Variants in AKAP6 observed in about 807,000 individuals in gnomAD.
The protein encoded by AKAP6 is A-kinase anchoring protein 6, also known as A-kinase anchor protein 6.
AKAP6 carries 58 observed loss-of-function variants against 188.5 expected under a neutral mutation model. The observed-to-expected ratio is 0.31, with a 90% confidence interval of 0.25 to 0.38. AKAP6 has a LOEUF of 0.38. AKAP6 is among the 10% of genes least tolerant of loss of function. The pLI is 1.00. For missense variants in AKAP6, 2,710 were observed against 2,740.0 expected (o/e 0.99, Z 0.24); for synonymous variants, 989 against 998.6 (o/e 0.99, Z 0.18).
intron 1 of AKAP6, among the ~76,000 whole-genome samples, chr14:32,411,857 T>C (rs1031029498): frequency 6.6e-6 from 1 of 151,614 alleles, no homozygotes; most frequent in Non-Finnish European, 1.5e-5. Context: ...CAGAGGCTAA[T>C]GAGAACATTT....
intron 1 of AKAP6, among the ~76,000 whole-genome samples, chr14:32,430,441 C>T (rs532122121): frequency 4.0e-4 from 61 of 152,174 alleles, no homozygotes; most frequent in African/African-American, 1.4e-3. Context: ...TTTTAGTTTA[C>T]GGTAGGATGT....
chr14:32,674,346 A>G (rs1889340691), intron 7 of AKAP6, among the ~76,000 whole-genome samples: 1 of 152,130 alleles, frequency 6.6e-6, no homozygotes, highest in Non-Finnish European at 1.5e-5. Context: ...CCACTATAAG[A>G]GAAGAGATTA....
chr14:32,510,355 C>CATAT lies in AKAP6; in HGVS notation c.325-25192_325-25189dup, dbSNP rs142164943. Among the ~76,000 whole-genome samples, 9 of 134,414 alleles carry CATAT rather than the reference C, an allele frequency of 6.7e-5. No individual in the cohort carries two copies. The South Asian group carries it at 6.8e-4, about 10-fold the overall frequency. The allele number at this position is 134,414 out of a possible 152,430, so 88.2% of individuals were successfully genotyped here. On this transcript the variant is annotated intron_variant, in intron 2 of 13. Transcript: ENST00000280979. ...AATTATATAAGTAAACATATGGATA[C>CATAT]ATATATATATGTGTATATATATGTG...
At chr14:32,691,798 A>G (rs965872449) in intron 8 of AKAP6, among the ~76,000 whole-genome samples, 2 of 152,040 alleles carry the variant, frequency 1.3e-5, no homozygotes, top group Admixed American at 6.5e-5. Flanking sequence ...ACCTCAGGTG[A>G]TCTATCTGCC....
chr14:32,817,451 CTG>C (rs5807685), intron 12 of AKAP6, among the ~76,000 whole-genome samples: 54 of 144,680 alleles, frequency 3.7e-4, no homozygotes, highest in African/African-American at 1.3e-3. Flanking sequence ...ATCTGTATAG[CTG>C]TGTGTGTGTG....
chr14:32,543,127 A>C (rs186860089), intron 3 of AKAP6, among the ~76,000 whole-genome samples: 8 of 152,308 alleles, frequency 5.3e-5, no homozygotes, highest in Admixed American at 3.3e-4. Context: ...TGACCCTGCT[A>C]TAGAAACCAG....
chr14:32,617,298 A>G (rs1285151663), intron 7 of AKAP6, among the ~76,000 whole-genome samples: 1 of 150,508 alleles, frequency 6.6e-6, no homozygotes, highest in Non-Finnish European at 1.5e-5. Flanking sequence ...CCACCTGTTT[A>G]ATCCTCCCCA....
rs577403949 is a variant in AKAP6 at position 32,566,917 on chromosome 14, T to C, written c.2347-10203T>C. On this transcript the variant is annotated intron_variant, in intron 4 of 13. Coordinates refer to ENST00000280979, the MANE Select transcript of AKAP6 (RefSeq NM_004274.5). Reference sequence around the variant, plus strand: ...CCTACTGGTGAGTGAATGTTATCTGTCAAGTACTTAATTTTTTTTTTCTTA... The same window carrying C: ...CCTACTGGTGAGTGAATGTTATCTGCCAAGTACTTAATTTTTTTTTTCTTA... Among the ~76,000 whole-genome samples, 142 of 152,214 alleles carry C rather than the reference T, an allele frequency of 9.3e-4. 1 individual carries two copies. Among genetic ancestry groups the C allele is most frequent in the African/African-American group, 2.5e-3 (104 of 41,532 alleles).
chr14:32,680,135 C>A (rs1889612367), intron 8 of AKAP6, among the ~76,000 whole-genome samples: 1 of 152,156 alleles, frequency 6.6e-6, no homozygotes, highest in Non-Finnish European at 1.5e-5. Flanking sequence ...TAACAACAAG[C>A]ATTGTTCTGT....
chr14:32,775,482 G>C (rs1472508157), intron 12 of AKAP6, among the ~76,000 whole-genome samples: 2 of 151,232 alleles, frequency 1.3e-5, no homozygotes, highest in African/African-American at 4.9e-5. Context: ...TCCCAGACTG[G>C]GGTACAGTGG....
At chr14:32,694,177 A>C (rs886247403) in intron 8 of AKAP6, among the ~76,000 whole-genome samples, 24 of 151,932 alleles carry the variant, frequency 1.6e-4, no homozygotes, top group African/African-American at 5.6e-4. Flanking sequence ...CTGGCTAACA[A>C]GGTGAAACCC....
At chr14:32,548,093 C>CT (rs71115082) in intron 4 of AKAP6, among the ~76,000 whole-genome samples, 3,630 of 104,166 alleles carry the variant, frequency 0.035, 251 homozygotes, top group African/African-American at 0.12. Flanking sequence ...CTCCCACATG[C>CT]TTTTTTTTTT....
chr14:32,376,543 T>C (rs774851866), intron 1 of AKAP6, among the ~76,000 whole-genome samples: 4 of 152,138 alleles, frequency 2.6e-5, no homozygotes, highest in Non-Finnish European at 4.4e-5. Context: ...ATAAACAAAA[T>C]GGATAAAACA....
chr14:32,776,565 C>G (rs1215890980), intron 12 of AKAP6, among the ~76,000 whole-genome samples: 1 of 152,206 alleles, frequency 6.6e-6, no homozygotes, highest in East Asian at 1.9e-4. Flanking sequence ...CCCCCAGGGC[C>G]TGGGAAATAC....
intron 2 of AKAP6, among the ~76,000 whole-genome samples, chr14:32,510,492 A>ATATATATATATATACATATATATATATG (rs1566547070): frequency 2.6e-5 from 3 of 113,442 alleles, no homozygotes; most frequent in East Asian, 2.3e-4. Flanking sequence ...ATATATGTGT[A>ATATATATATATATACATATATATATATG]TATATATATA....
chr14:32,826,193 C>A (rs1286987876), intron 13 of AKAP6, among the ~76,000 whole-genome samples: 2 of 151,920 alleles, frequency 1.3e-5, no homozygotes, highest in African/African-American at 2.4e-5. Context: ...ACCATATATA[C>A]CCTAAAAATA....
chr14:32,734,942 G>C (rs1040058988), intron 10 of AKAP6, among the ~76,000 whole-genome samples: 3 of 151,982 alleles, frequency 2.0e-5, no homozygotes, highest in Non-Finnish European at 4.4e-5. Context: ...AGCCCTCCCC[G>C]ACAACACTCT....
chr14:32,641,055 T>G (rs1232584093), intron 7 of AKAP6, among the ~76,000 whole-genome samples: 1 of 152,152 alleles, frequency 6.6e-6, no homozygotes, highest in East Asian at 1.9e-4. Context: ...CCATATTTAA[T>G]GAGACTGCAG....
intron 3 of AKAP6, among the ~76,000 whole-genome samples, chr14:32,538,412 T>C (rs1882779254): frequency 6.6e-6 from 1 of 152,204 alleles, no homozygotes; most frequent in Non-Finnish European, 1.5e-5. Context: ...ATTTTTCTCT[T>C]TCTGGAAGTT....
Sources: allele counts gnomAD v4.1 joint callset (sites outside exome capture counted in the v4.1 genomes callset), GRCh38; gene constraint gnomAD v4.1.1; transcripts MANE v1.5; gene names NCBI Gene and HGNC (gene_info 2026-07-23, HGNC 2026-07-21).